The following ANO4 variants were observed in gnomAD, a reference collection of about 807,000 sequenced individuals.
ANO4 encodes anoctamin-4.
A neutral mutation model predicts 141.9 loss-of-function variants in ANO4; 69 were observed. The observed-to-expected ratio is 0.49, with a 90% CI of 0.40 to 0.59. The LOEUF is 0.59. Ranked by LOEUF, ANO4 falls within the 20% of genes least tolerant of loss-of-function variation. The pLI, the probability that ANO4 is intolerant of heterozygous loss-of-function variation, is 0.00. For synonymous variants in ANO4, 350 were observed against 394.3 expected, an observed-to-expected ratio of 0.89 and a Z score of 1.33; for missense variants, 894 against 1,162.2, an observed-to-expected ratio of 0.77 and a Z score of 3.36.
At chr12:100,980,195 A>G (rs906153355) in intron 7 of ANO4, among the ~76,000 whole-genome samples, 2 of 152,226 alleles carry the variant, frequency 1.3e-5, no homozygotes, top group African/African-American at 4.8e-5. Context: ...TAAAGGAAAA[A>G]GAAATCCCAA....
At chr12:101,088,227 G>A (rs1420402785) in intron 17 of ANO4, among the ~76,000 whole-genome samples, 1 of 151,930 alleles carries the variant, frequency 6.6e-6, no homozygotes, top group African/African-American at 2.4e-5. Flanking sequence ...TTTTTTATTT[G>A]CTGTTCTCTC....
chr12:100,922,417 G>T, intron 3 of ANO4, 87 bp downstream of exon 3: 1 of 854,284 alleles, frequency 1.2e-6, no homozygotes, highest in Non-Finnish European at 1.7e-6. Flanking sequence ...AACCTTAGAT[G>T]TCAAGCTTTA....
chr12:101,036,073 A>G (rs1193039946), intron 9 of ANO4, among the ~76,000 whole-genome samples: 1 of 152,198 alleles, frequency 6.6e-6, no homozygotes, highest in East Asian at 1.9e-4. Context: ...TCCATATAAA[A>G]CACACAAATG....
intron 14 of ANO4, among the ~76,000 whole-genome samples, chr12:101,061,059 TTG>T (rs2048326508): frequency 6.6e-6 from 1 of 152,218 alleles, no homozygotes; most frequent in Admixed American, 6.5e-5. Flanking sequence ...TCAGGAGCTC[TTG>T]TAAGGCCAGC....
At chr12:100,893,320 C>G (rs972129122) in intron 1 of ANO4, among the ~76,000 whole-genome samples, 31 of 151,822 alleles carry the variant, frequency 2.0e-4, no homozygotes, top group African/African-American at 7.0e-4. Flanking sequence ...TTATGGAGAC[C>G]ATTATTGGAG....
chr12:101,059,614 T>A (rs1455166476), intron 14 of ANO4, among the ~76,000 whole-genome samples: 1 of 152,178 alleles, frequency 6.6e-6, no homozygotes, highest in East Asian at 1.9e-4. Flanking sequence ...CTTGGGAGGG[T>A]GTATGTGTCC....
intron 1 of ANO4, among the ~76,000 whole-genome samples, chr12:100,830,382 G>A (rs1343695227): frequency 6.6e-6 from 1 of 152,110 alleles, no homozygotes; most frequent in East Asian, 1.9e-4. Context: ...ATTTGCCTGA[G>A]AAGATGAATG....
chr12:100,796,209 GGGTT>G (rs1158005274), intron 1 of ANO4, among the ~76,000 whole-genome samples: 2 of 152,102 alleles, frequency 1.3e-5, no homozygotes, highest in African/African-American at 4.8e-5. Flanking sequence ...ACTCTAGAGA[GGGTT>G]CTTGCCAAAT....
intron 3 of ANO4, among the ~76,000 whole-genome samples, chr12:100,775,290 T>C (rs2033461938): frequency 6.6e-6 from 1 of 152,178 alleles, no homozygotes; most frequent in African/African-American, 2.4e-5. Context: ...ATACGTTCGT[T>C]AAAAATGACA....
chr12:100,954,509 A>C lies in ANO4; in HGVS notation c.456+11974A>C, dbSNP rs563307004. Among the ~76,000 whole-genome samples, 3 of 152,262 alleles carry C rather than the reference A, an allele frequency of 2.0e-5. No individual in the cohort carries two copies. In the South Asian group the frequency reaches 6.2e-4, roughly 32 times the overall value. ...ACTTTAACCCAGAACTTTATGGAGA[A>C]GGGGATTCTGGGAAACCAGAACCAA... On this transcript the variant is annotated intron_variant, in intron 5 of 27. Transcript: ENST00000392977.
intron 2 of ANO4, among the ~76,000 whole-genome samples, chr12:100,912,223 C>T (rs1050595547): frequency 4.6e-5 from 7 of 151,798 alleles, no homozygotes; most frequent in African/African-American, 9.7e-5. Context: ...TGGGGAAATC[C>T]GTCTCTACTA....
intron 1 of ANO4, among the ~76,000 whole-genome samples, chr12:100,717,866 G>T (rs985787506): frequency 6.6e-6 from 1 of 152,192 alleles, no homozygotes; most frequent in Non-Finnish European, 1.5e-5. Context: ...CTCCTCTAGC[G>T]GGGTGAGGCT....
chr12:100,970,831 G>A (rs188189795), intron 5 of ANO4, among the ~76,000 whole-genome samples: 261 of 152,010 alleles, frequency 1.7e-3, no homozygotes, highest in African/African-American at 6.0e-3. Flanking sequence ...CGATTCTCCC[G>A]CCTCAGCCTC....
chr12:100,855,608 A>G (rs1240157350), intron 1 of ANO4, among the ~76,000 whole-genome samples: 1 of 152,094 alleles, frequency 6.6e-6, no homozygotes, highest in Non-Finnish European at 1.5e-5. Context: ...TTCCTTGTTT[A>G]TACAAATTTC....
Position 100,737,262 on chromosome 12 carries a change from A to G in ANO4, c.107-2592A>G, listed in dbSNP as rs543350666. On this transcript the variant is annotated intron_variant, in intron 2 of 29. Coordinates refer to the ANO4 transcript ENST00000644049. ...CCCCTGTGCCTTCCTCTCTCAATTT[A>G]TCTTCATGGTGGCAGCCACATGGCT... Among the ~76,000 whole-genome samples, 11 of 152,214 alleles carry G rather than the reference A, an allele frequency of 7.2e-5. No individual in the cohort carries two copies. In the South Asian group the frequency reaches 2.3e-3, roughly 32 times the overall value.
intron 15 of ANO4, among the ~76,000 whole-genome samples, chr12:101,080,884 T>A (rs1913727): frequency 0.12 from 3,693 of 29,632 alleles, 145 homozygotes; most frequent in Middle Eastern, 0.2. Flanking sequence ...ATATATATAT[T>A]ATATATATAT....
At chr12:100,948,046 T>C (rs2042801539) in intron 5 of ANO4, among the ~76,000 whole-genome samples, 1 of 148,694 alleles carries the variant, frequency 6.7e-6, no homozygotes, top group South Asian at 2.1e-4. Flanking sequence ...CAAAAAAAAT[T>C]AGCCGGCTGT....
At chr12:100,985,008 C>T (rs1208350965) in intron 7 of ANO4, among the ~76,000 whole-genome samples, 1 of 152,092 alleles carries the variant, frequency 6.6e-6, no homozygotes, top group South Asian at 2.1e-4. Context: ...AGCCCAGATT[C>T]TGTGGGAATG....
intron 1 of ANO4, among the ~76,000 whole-genome samples, chr12:100,850,844 A>G (rs1012916571): frequency 6.6e-6 from 1 of 152,176 alleles, no homozygotes; most frequent in African/African-American, 2.4e-5. Context: ...TGTGCAATGT[A>G]TGTAGCATCC....
Sources: gnomAD v4.1 joint callset for allele counts (sites outside exome capture counted in the v4.1 genomes callset) on GRCh38, gnomAD v4.1.1 for gene constraint, MANE v1.5 for transcripts, NCBI Gene and HGNC (gene_info 2026-07-23, HGNC 2026-07-21) for gene names.